The following KIAA0232 variants were observed in gnomAD, a reference collection of about 807,000 sequenced individuals.
KIAA0232 encodes uncharacterized protein KIAA0232.
A neutral mutation model predicts 122.0 loss-of-function variants in KIAA0232; 27 were observed. The observed-to-expected ratio is 0.22, with a 90% CI of 0.16 to 0.31. The LOEUF (loss-of-function observed/expected upper bound fraction) is 0.31, where lower values mean the gene tolerates loss of function less well. Among genes scored for constraint, KIAA0232 ranks in the 10% least tolerant of loss-of-function variants. KIAA0232 has a pLI of 1.00. For synonymous variants in KIAA0232, 613 were observed against 587.6 expected, an observed-to-expected ratio of 1.04 and a Z score of -0.63; for missense variants, 1,551 against 1,634.2, an observed-to-expected ratio of 0.95 and a Z score of 0.88.
intron 1 of KIAA0232, among the ~76,000 whole-genome samples, chr4:6,794,984 C>T (rs543273431): frequency 6.6e-6 from 1 of 152,308 alleles, no homozygotes; most frequent in East Asian, 1.9e-4. Context: ...ATGGAGCAGT[C>T]TCTGCATAGG....
intron 2 of KIAA0232, among the ~76,000 whole-genome samples, chr4:6,807,029 T>TCTAC (rs1173392544): frequency 8.8e-6 from 1 of 113,376 alleles, no homozygotes; most frequent in Non-Finnish European, 2.0e-5. Flanking sequence ...TGTCTGTCTG[T>TCTAC]CTGTCTATCT....
chr4:6,796,575 C>T (rs756133633), intron 1 of KIAA0232, among the ~76,000 whole-genome samples: 2 of 152,188 alleles, frequency 1.3e-5, no homozygotes, highest in African/African-American at 4.8e-5. Flanking sequence ...TTCATGCCAC[C>T]TGTTTAAAGA....
intron 8 of KIAA0232, among the ~76,000 whole-genome samples, chr4:6,876,157 T>C (rs1721740617): frequency 6.6e-6 from 1 of 152,174 alleles, no homozygotes; most frequent in Non-Finnish European, 1.5e-5. Context: ...CATGGTTCAG[T>C]ATGTTGTTGA....
Position 6,881,130 on chromosome 4 carries a change from G to T in KIAA0232, c.*164G>T, listed in dbSNP as rs1284337342. On this transcript the variant is annotated 3_prime_UTR_variant, in exon 10 of 10. Coordinates refer to ENST00000307659, the MANE Select transcript of KIAA0232 (RefSeq NM_014743.3). ...TCTTCTTGCTTATTTTAGAGTTGAG[G>T]ACAGCTATCCTGTTAAAGATTTTTT... 2 of 525,890 alleles carry T rather than the reference G, an allele frequency of 3.8e-6. No homozygotes were observed. Among genetic ancestry groups the T allele is most frequent in the Non-Finnish European group, 6.2e-6 (2 of 323,278 alleles). 32.6% of individuals were successfully genotyped at this position (525,890 alleles called of 1,614,324 possible).
At chr4:6,847,613 C>T (rs1314382663) in intron 4 of KIAA0232, among the ~76,000 whole-genome samples, 1 of 152,178 alleles carries the variant, frequency 6.6e-6, no homozygotes, top group African/African-American at 2.4e-5. Flanking sequence ...AATTCCCTTT[C>T]ATTTACATAT....
Position 6,849,663 on chromosome 4 carries a change from C to T in KIAA0232, c.369+7459C>T, listed in dbSNP as rs527982500. 3.9e-5 allele frequency among the ~76,000 whole-genome samples: 6 copies of T among 151,998 alleles called. No individual in the cohort carries two copies. In the South Asian group the frequency reaches 1.2e-3, roughly 32 times the overall value. On this transcript the variant is annotated intron_variant, in intron 4 of 9. Transcript: ENST00000307659. ...ATGTGGTGGTGCATGCCTGTAGTCC[C>T]AGCTACTCAGGAGGCTGAGGTGGGA... is the stretch of plus-strand genomic sequence containing the variant.
chr4:6,804,958 C>T (rs1180672204), intron 2 of KIAA0232, among the ~76,000 whole-genome samples: 1 of 126,038 alleles, frequency 7.9e-6, no homozygotes, highest in Non-Finnish European at 1.6e-5. Flanking sequence ...TGCTCTCCTT[C>T]TTGGAGGTTC....
At chr4:6,857,050 T>C (rs959816968) in intron 4 of KIAA0232, 114 bp from the exon 5 acceptor site, 5 of 625,726 alleles carry the variant, frequency 8.0e-6, no homozygotes, top group African/African-American at 1.9e-5. Flanking sequence ...TGGTAAGATA[T>C]TTATTTTGGA....
chr4:6,870,009 A>T (rs745400322), intron 7 of KIAA0232, among the ~76,000 whole-genome samples: 7 of 152,206 alleles, frequency 4.6e-5, no homozygotes, highest in African/African-American at 7.2e-5. Flanking sequence ...GCCAAGCCTC[A>T]CCCTGGGCGA....
At chr4:6,846,760 A>T (rs1719987471) in intron 4 of KIAA0232, among the ~76,000 whole-genome samples, 1 of 152,066 alleles carries the variant, frequency 6.6e-6, no homozygotes, top group Non-Finnish European at 1.5e-5. Flanking sequence ...GTTTCTTTTT[A>T]TAATCTGTCT....
At chr4:6,874,512 C>G (rs146601108) in intron 8 of KIAA0232, among the ~76,000 whole-genome samples, 60 of 152,328 alleles carry the variant, frequency 3.9e-4, no homozygotes, top group African/African-American at 1.3e-3. Context: ...AAACAGCAGT[C>G]TCCACAGCTC....
intron 1 of KIAA0232, among the ~76,000 whole-genome samples, chr4:6,794,221 G>A (rs1717032535): frequency 6.6e-6 from 1 of 152,222 alleles, no homozygotes; most frequent in African/African-American, 2.4e-5. Flanking sequence ...TGACCAAGCT[G>A]ATGGGGAATT....
At chr4:6,805,800 G>GT (rs1717589721) in intron 2 of KIAA0232, among the ~76,000 whole-genome samples, 1 of 151,960 alleles carries the variant, frequency 6.6e-6, no homozygotes, top group Admixed American at 6.6e-5. Context: ...ACTTATTTTA[G>GT]TTTTTTTCCA....
chr4:6,854,065 A>G (rs1403578682), intron 4 of KIAA0232, among the ~76,000 whole-genome samples: 1 of 152,176 alleles, frequency 6.6e-6, no homozygotes, highest in Non-Finnish European at 1.5e-5. Context: ...GCATTAGGTT[A>G]ATTATCTTTT....
chr4:6,791,899 T>C (rs1317893751), intron 1 of KIAA0232, among the ~76,000 whole-genome samples: 3 of 152,182 alleles, frequency 2.0e-5, no homozygotes, highest in East Asian at 1.9e-4. Context: ...TGGGAGGTGA[T>C]TGAATCATGG....
chr4:6,867,051 T>G (rs1310635247), intron 7 of KIAA0232, among the ~76,000 whole-genome samples: 1 of 152,268 alleles, frequency 6.6e-6, no homozygotes, highest in Non-Finnish European at 1.5e-5. Flanking sequence ...CACATGTATT[T>G]CTTCCTATTT....
At chr4:6,859,996 A>C (rs1720770377) in intron 6 of KIAA0232, among the ~76,000 whole-genome samples, 1 of 152,172 alleles carries the variant, frequency 6.6e-6, no homozygotes, top group African/African-American at 2.4e-5. Flanking sequence ...GTGTCCTCAC[A>C]CAGGCTCTCA....
chr4:6,843,663 C>T (rs542315288), intron 4 of KIAA0232, among the ~76,000 whole-genome samples: 4 of 151,884 alleles, frequency 2.6e-5, no homozygotes, highest in East Asian at 3.9e-4. Context: ...CCAGCTACTT[C>T]GGAGGCTGAG....
chr4:6,789,397 C>T (rs1465171032), intron 1 of KIAA0232, among the ~76,000 whole-genome samples: 1 of 151,930 alleles, frequency 6.6e-6, no homozygotes, highest in African/African-American at 2.4e-5. Context: ...CCTCAGACTC[C>T]CCAGTAGCTG....
Sources: allele counts gnomAD v4.1 joint callset (sites outside exome capture counted in the v4.1 genomes callset), GRCh38; gene constraint gnomAD v4.1.1; transcripts MANE v1.5; gene names NCBI Gene and HGNC (gene_info 2026-07-23, HGNC 2026-07-21).